The following PTPRD variants were observed in gnomAD, a reference collection of about 807,000 sequenced individuals.
PTPRD encodes the protein protein tyrosine phosphatase receptor type D.
In PTPRD, 34 loss-of-function variants were observed where a neutral mutation model predicts 214.5. The ratio of observed to expected loss-of-function variants is 0.16; its 90% CI spans 0.12 to 0.21. The LOEUF is 0.21. Ranked by LOEUF, PTPRD falls within the 10% of genes least tolerant of loss-of-function variation. The pLI is 1.00. For synonymous variants in PTPRD, 1,128 were observed against 845.7 expected, an observed-to-expected ratio of 1.33 and a Z score of -5.79; for missense variants, 2,545 against 2,398.7, an observed-to-expected ratio of 1.06 and a Z score of -1.27.
At chr9:9,093,620 A>T (rs2099779388) in intron 10 of PTPRD, among the ~76,000 whole-genome samples, 2 of 151,696 alleles carry the variant, frequency 1.3e-5, no homozygotes, top group South Asian at 4.2e-4. Flanking sequence ...GGAAATTATA[A>T]GCATTTTTAA....
chr9:9,430,828 T>A (rs1472410732), intron 8 of PTPRD, among the ~76,000 whole-genome samples: 1 of 152,044 alleles, frequency 6.6e-6, no homozygotes, highest in African/African-American at 2.4e-5. Context: ...AATAAATGGT[T>A]CTGGGAAAAC....
At chr9:10,101,475 G>T (rs1021092579) in intron 3 of PTPRD, among the ~76,000 whole-genome samples, 3 of 151,428 alleles carry the variant, frequency 2.0e-5, no homozygotes, top group African/African-American at 7.3e-5. Context: ...CTTTGAACAG[G>T]GCACAAACTT....
chr9:9,372,180 G>C (rs1327383908), intron 9 of PTPRD, among the ~76,000 whole-genome samples: 1 of 152,020 alleles, frequency 6.6e-6, no homozygotes, highest in Non-Finnish European at 1.5e-5. Flanking sequence ...TTAACTTTCT[G>C]TCTCGTTGAT....
chr9:10,153,181 G>T (rs1355521102), intron 3 of PTPRD, among the ~76,000 whole-genome samples: 1 of 152,038 alleles, frequency 6.6e-6, no homozygotes, highest in Non-Finnish European at 1.5e-5. Context: ...CTCCAAAAAT[G>T]ATAATAAGCA....
chr9:8,753,883 G>A (rs532177767), intron 11 of PTPRD, among the ~76,000 whole-genome samples: 4 of 152,270 alleles, frequency 2.6e-5, no homozygotes, highest in East Asian at 3.9e-4. Context: ...GGTGGCTCAC[G>A]CCTGTAATCC....
chr9:9,779,268 A>C (rs905324556), intron 5 of PTPRD, among the ~76,000 whole-genome samples: 3 of 152,036 alleles, frequency 2.0e-5, no homozygotes, highest in Non-Finnish European at 4.4e-5. Flanking sequence ...GAAAACCTAG[A>C]AAATACACTT....
intron 6 of PTPRD, among the ~76,000 whole-genome samples, chr9:9,738,439 CTTTT>C (rs71319292): frequency 1.3e-5 from 1 of 76,510 alleles, no homozygotes. Context: ...CACTCACTCA[CTTTT>C]TTTTTTTTTT....
intron 9 of PTPRD, among the ~76,000 whole-genome samples, chr9:9,381,414 G>A (rs1306612882): frequency 6.8e-6 from 1 of 146,530 alleles, no homozygotes; most frequent in Non-Finnish European, 1.5e-5. Context: ...CGGCTGGAGT[G>A]CAGTGGCATA....
chr9:9,883,185 C>A (rs1439763825), intron 5 of PTPRD, among the ~76,000 whole-genome samples: 1 of 151,984 alleles, frequency 6.6e-6, no homozygotes, highest in African/African-American at 2.4e-5. Context: ...CTTGAAGGTG[C>A]TTATACTTTT....
At chr9:8,500,558 GAAAAAAAAAAAAAAAA>G (rs146807692) in intron 24 of PTPRD, among the ~76,000 whole-genome samples, 180 bp downstream of exon 24, 5 of 14,310 alleles carry the variant, frequency 3.5e-4, no homozygotes, top group South Asian at 4.1e-3. Context: ...TGAAAAAAAT[GAAAAAAAAAAAAAAAA>G]AAAAAAAAAA....
intron 39 of PTPRD, among the ~76,000 whole-genome samples, chr9:8,347,214 C>T (rs1158770187): frequency 6.6e-6 from 1 of 151,838 alleles, no homozygotes; most frequent in African/African-American, 2.4e-5. Context: ...TTTTTTTCTC[C>T]CCAGAGAGCA....
intron 11 of PTPRD, among the ~76,000 whole-genome samples, chr9:8,897,084 A>G (rs1203623008): frequency 1.3e-5 from 2 of 152,184 alleles, no homozygotes; most frequent in Admixed American, 1.3e-4. Context: ...TTTGCTGATG[A>G]TCATTTTCAT....
At chr9:9,906,512 T>G (rs2077604456) in intron 5 of PTPRD, among the ~76,000 whole-genome samples, 1 of 151,972 alleles carries the variant, frequency 6.6e-6, no homozygotes, top group South Asian at 2.1e-4. Context: ...TACATGATGA[T>G]AGTTACATTG....
chr9:10,311,278 CTTAAAG>C (rs1224375908), intron 3 of PTPRD, among the ~76,000 whole-genome samples: 1 of 151,754 alleles, frequency 6.6e-6, no homozygotes, highest in Non-Finnish European at 1.5e-5. Flanking sequence ...TTTTTCTAAA[CTTAAAG>C]TTAACCTTTA....
At position 8,331,644 on chromosome 9, in the gene PTPRD, G is replaced by A. The variant is rs140620944; in HGVS notation, c.5472C>T (p.Ile1824=). The part of the protein sequence containing the change: ...PKSGEGFIDF[I]GQVHKTKEQF... ...GTTCTTTTGTTTTATGGACTTGGCC[G>A]ATGAAGTCAATAAATCCTTCTCCGG... The change falls in exon 44 of 46, where the codon ATC becomes ATT. Residue 1824 remains isoleucine, a synonymous_variant. Transcript: ENST00000381196. 3,509 of 1,613,714 alleles carry A rather than the reference G, an allele frequency of 2.2e-3. 7 individuals are homozygous for A. The highest frequency in any genetic ancestry group is 2.7e-3 in the Non-Finnish European group (3,142 of 1,179,920).
intron 36 of PTPRD, among the ~76,000 whole-genome samples, chr9:8,402,397 G>A (rs1006774790): frequency 6.6e-6 from 1 of 152,130 alleles, no homozygotes; most frequent in African/African-American, 2.4e-5. Flanking sequence ...CTTTAAAGAT[G>A]TGGAAAATAA....
At chr9:9,665,114 T>C (rs958276200) in intron 7 of PTPRD, among the ~76,000 whole-genome samples, 1 of 151,572 alleles carries the variant, frequency 6.6e-6, no homozygotes, top group African/African-American at 2.4e-5. Context: ...CATCTATGTG[T>C]GTATGTGGGG....
At chr9:9,547,868 T>C (rs2079172995) in intron 8 of PTPRD, among the ~76,000 whole-genome samples, 1 of 144,808 alleles carries the variant, frequency 6.9e-6, no homozygotes, top group Non-Finnish European at 1.5e-5. Context: ...TTGCTAAAAA[T>C]GAAACATAAT....
At chr9:8,828,551 C>T (rs1205512044) in intron 11 of PTPRD, among the ~76,000 whole-genome samples, 1 of 152,080 alleles carries the variant, frequency 6.6e-6, no homozygotes, top group African/African-American at 2.4e-5. Context: ...TATTTTGTTG[C>T]AGTAGCTCAA....
Sources: allele counts gnomAD v4.1 joint callset (sites outside exome capture counted in the v4.1 genomes callset), GRCh38; gene constraint gnomAD v4.1.1; transcripts MANE v1.5; gene names NCBI Gene and HGNC (gene_info 2026-07-23, HGNC 2026-07-21).